The following DNAJC13 variants were observed in gnomAD, a reference collection of about 807,000 sequenced individuals.
DNAJC13 encodes DnaJ heat shock protein family (Hsp40) member C13.
A neutral mutation model predicts 290.5 loss-of-function variants in DNAJC13; 75 were observed. That is an observed-to-expected ratio of 0.26 (90% CI 0.21 to 0.31). DNAJC13 has a LOEUF of 0.31. Ranked by LOEUF, DNAJC13 falls within the 10% of genes least tolerant of loss-of-function variation. The pLI is 1.00. For synonymous variants in DNAJC13, 862 were observed against 892.0 expected (o/e 0.97, Z 0.60); for missense variants, 2,260 against 2,674.5 (o/e 0.85, Z 3.42).
At chr3:132,507,385 C>A in intron 43 of DNAJC13, 32 bp downstream of exon 43, 1 of 1,218,976 alleles carries the variant, frequency 8.2e-7, no homozygotes, top group Non-Finnish European at 1.2e-6. Context: ...TTACCTGATA[C>A]CTTTGATCAT....
At chr3:132,465,607 G>C (rs1933953538) in intron 17 of DNAJC13, among the ~76,000 whole-genome samples, 1 of 151,982 alleles carries the variant, frequency 6.6e-6, no homozygotes. Context: ...TGCTTGTTCA[G>C]AATTCCAAAA....
At chr3:132,530,653 C>T (rs1936388957) in intron 54 of DNAJC13, among the ~76,000 whole-genome samples, 1 of 152,208 alleles carries the variant, frequency 6.6e-6, no homozygotes, top group African/African-American at 2.4e-5. Context: ...TCAGGAATAG[C>T]TCATCAGCCC....
intron 41 of DNAJC13, 126 bp from the exon 42 acceptor site, chr3:132,505,176 T>C: frequency 1.7e-6 from 1 of 594,318 alleles, no homozygotes; most frequent in Non-Finnish European, 3.0e-6. Flanking sequence ...GAGATACTTA[T>C]TATTGAGGTC....
At chr3:132,534,431 G>A (rs963874452) in intron 55 of DNAJC13, among the ~76,000 whole-genome samples, 16 of 152,218 alleles carry the variant, frequency 1.1e-4, no homozygotes, top group African/African-American at 3.6e-4. Context: ...CAAGGTGGGC[G>A]GACTGCTTGA....
intron 2 of DNAJC13, among the ~76,000 whole-genome samples, chr3:132,436,081 A>G (rs185128416): frequency 7.2e-5 from 11 of 152,306 alleles, no homozygotes; most frequent in Admixed American, 3.9e-4. Context: ...TCACCCTTCT[A>G]AAGTATACAA....
chr3:132,501,123 C>T (rs1576503696), intron 39 of DNAJC13, among the ~76,000 whole-genome samples: 1 of 152,150 alleles, frequency 6.6e-6, no homozygotes, highest in Middle Eastern at 3.2e-3. Context: ...TAAAGTGATA[C>T]ATCTAAAGGG....
Position 132,460,362 on chromosome 3 carries a change from G to A in DNAJC13, c.1557+5G>A. The A allele has an allele frequency of 2.5e-6, 4 of 1,576,416 alleles. No individual in the cohort carries two copies. Among genetic ancestry groups the A allele is most frequent in the Non-Finnish European group, 3.5e-6 (4 of 1,148,210 alleles). On this transcript the variant is annotated splice_donor_5th_base_variant and intron_variant, in intron 14 of 55. Transcript: ENST00000260818. ...GAGAAATTTAATTCCCATGTGGTAAGTTATAATTAAATTTGTCTTCATGGT... is the reference window on the plus strand; with the variant it reads ...GAGAAATTTAATTCCCATGTGGTAAATTATAATTAAATTTGTCTTCATGGT...
At chr3:132,522,096 A>C (rs974427786) in intron 48 of DNAJC13, among the ~76,000 whole-genome samples, 2 of 152,182 alleles carry the variant, frequency 1.3e-5, no homozygotes, top group Non-Finnish European at 2.9e-5. Context: ...AGCATCTGTT[A>C]TGTGCCAGGG....
intron 54 of DNAJC13, among the ~76,000 whole-genome samples, chr3:132,530,432 T>C (rs1314562056): frequency 1.3e-5 from 2 of 152,222 alleles, no homozygotes; most frequent in Non-Finnish European, 2.9e-5. Flanking sequence ...CACACATGTA[T>C]TATTTATACT....
intron 40 of DNAJC13, 90 bp downstream of exon 40, chr3:132,502,558 C>G: frequency 8.6e-7 from 1 of 1,165,104 alleles, no homozygotes; most frequent in Non-Finnish European, 1.2e-6. Flanking sequence ...ATCCAGAGTC[C>G]CCAGAGATAA....
chr3:132,470,969 G>A (rs1653966875), intron 20 of DNAJC13, among the ~76,000 whole-genome samples: 4 of 124,570 alleles, frequency 3.2e-5, no homozygotes, highest in African/African-American at 8.9e-5. Flanking sequence ...GGGCGGCCGG[G>A]CAGAGGCGCC....
intron 33 of DNAJC13, among the ~76,000 whole-genome samples, chr3:132,492,890 A>G (rs931595970): frequency 6.6e-6 from 1 of 151,854 alleles, no homozygotes; most frequent in African/African-American, 2.4e-5. Context: ...AATTATATAT[A>G]TATAGTATTA....
At position 132,461,081 on chromosome 3, in the gene DNAJC13, C is replaced by T. The variant is rs1421381514; in HGVS notation, c.1589C>T (p.Ser530Leu). 12 of 1,613,970 alleles carry T rather than the reference C, an allele frequency of 7.4e-6. No individual in the cohort carries two copies. The highest frequency in any genetic ancestry group is 1.3e-5 in the African/African-American group (1 of 75,020). The stretch of plus-strand genomic sequence containing the variant: ...GGGACTGGTGCCCTAGTTATTAGTT[C>T]GCTCTTGGACTTCCTTACCTTTGCC... ...DHGTGALVIS[S>L]LLDFLTFALC... Residue 530 changes from serine (S) to leucine (L), a missense_variant, in exon 15 of 56, where the codon TCG becomes TTG. Coordinates refer to ENST00000260818, the MANE Select transcript of DNAJC13 (RefSeq NM_015268.4).
chr3:132,466,376 C>T lies in DNAJC13; in HGVS notation c.2046C>T (p.Asp682=), dbSNP rs763355672. The change falls in exon 19 of 56, where the codon GAC becomes GAT. Residue 682 remains aspartate, a synonymous_variant. Coordinates refer to ENST00000260818, the MANE Select transcript of DNAJC13 (RefSeq NM_015268.4). ...ATGCTGATCGGATGCATGTTAGAGA[C>T]AATGTGAAAATAGCAATGGTAAATA... is the stretch of plus-strand genomic sequence containing the variant. ...EKDADRMHVR[D]NVKIAMDQYG... 1 of 1,598,036 alleles carries T rather than the reference C, an allele frequency of 6.3e-7. No individual in the cohort carries two copies. The highest frequency in any genetic ancestry group is 8.5e-7 in the Non-Finnish European group (1 of 1,175,126).
At chr3:132,425,503 A>G (rs1052490980) in intron 1 of DNAJC13, among the ~76,000 whole-genome samples, 53 of 152,290 alleles carry the variant, frequency 3.5e-4, no homozygotes, top group African/African-American at 1.2e-3. Context: ...AGATCTGTCC[A>G]TCTTTCCATC....
chr3:132,439,480 T>TAA (rs970019383), intron 2 of DNAJC13, among the ~76,000 whole-genome samples: 1 of 151,996 alleles, frequency 6.6e-6, no homozygotes, highest in African/African-American at 2.4e-5. Flanking sequence ...TGCCAGTCTT[T>TAA]AAAACTCAGA....
At chr3:132,434,796 A>G (rs886520220) in intron 2 of DNAJC13, among the ~76,000 whole-genome samples, 178 bp downstream of exon 2, 2 of 152,102 alleles carry the variant, frequency 1.3e-5, no homozygotes, top group East Asian at 1.9e-4. Context: ...TGACATTTCC[A>G]GTTTTCAGTA....
At chr3:132,431,947 A>C (rs1939249434) in intron 1 of DNAJC13, among the ~76,000 whole-genome samples, 1 of 152,180 alleles carries the variant, frequency 6.6e-6, no homozygotes, top group Non-Finnish European at 1.5e-5. Context: ...TGATGGTTGC[A>C]GAACTCTAAA....
At chr3:132,529,415 T>C (rs1936348705) in intron 54 of DNAJC13, among the ~76,000 whole-genome samples, 1 of 152,252 alleles carries the variant, frequency 6.6e-6, no homozygotes, top group Non-Finnish European at 1.5e-5. Flanking sequence ...GTAATGAATT[T>C]ACTGGATTTG....
Sources: allele counts gnomAD v4.1 joint callset (sites outside exome capture counted in the v4.1 genomes callset), GRCh38; gene constraint gnomAD v4.1.1; transcripts MANE v1.5; gene names NCBI Gene and HGNC (gene_info 2026-07-23, HGNC 2026-07-21).